The following WDR7 variants were observed in gnomAD, a reference collection of about 807,000 sequenced individuals.
WDR7 encodes WD repeat domain 7, also known as WD repeat-containing protein 7.
In WDR7, 46 loss-of-function variants were observed where a neutral mutation model predicts 169.4. The observed-to-expected ratio is 0.27, with a 90% CI of 0.21 to 0.35. The LOEUF (loss-of-function observed/expected upper bound fraction) is 0.35. WDR7 is among the 10% of genes least tolerant of loss of function. WDR7 has a pLI of 1.00. For missense variants in WDR7, 1,534 were observed against 1,859.3 expected, an observed-to-expected ratio of 0.83 and a Z score of 3.22; for synonymous variants, 612 against 666.8, an observed-to-expected ratio of 0.92 and a Z score of 1.27.
chr18:56,690,754 G>T (rs2025548494), intron 7 of WDR7, among the ~76,000 whole-genome samples: 1 of 152,048 alleles, frequency 6.6e-6, no homozygotes, highest in Non-Finnish European at 1.5e-5. Flanking sequence ...GTTTGAGGTT[G>T]CAGTGAGCTC....
chr18:56,739,533 C>A (rs1199302389), intron 14 of WDR7, among the ~76,000 whole-genome samples: 1 of 151,948 alleles, frequency 6.6e-6, no homozygotes, highest in East Asian at 1.9e-4. Context: ...AAACTCTGTT[C>A]TTTTTGTACT....
chr18:56,657,957 C>A (rs1446806566), intron 1 of WDR7, among the ~76,000 whole-genome samples: 1 of 149,476 alleles, frequency 6.7e-6, no homozygotes, highest in African/African-American at 2.5e-5. Context: ...CTGTTGATTA[C>A]TTGAGTTAGT....
At chr18:56,974,362 CTTTTTTT>C (rs34901751) in intron 26 of WDR7, among the ~76,000 whole-genome samples, 1 of 111,816 alleles carries the variant, frequency 8.9e-6, no homozygotes, top group South Asian at 2.7e-4. Flanking sequence ...GCTTTTCTTG[CTTTTTTT>C]TTTTTTTTTT....
At chr18:56,982,552 G>A (rs2145834004) in intron 26 of WDR7, among the ~76,000 whole-genome samples, 1 of 152,222 alleles carries the variant, frequency 6.6e-6, no homozygotes, top group Middle Eastern at 3.4e-3. Context: ...TGAAAGAAGA[G>A]CTTCTTTTCT....
At chr18:56,770,179 T>A (rs2044131276) in intron 16 of WDR7, among the ~76,000 whole-genome samples, 1 of 152,246 alleles carries the variant, frequency 6.6e-6, no homozygotes, top group South Asian at 2.1e-4. Context: ...GTGCTTATTA[T>A]GTCTATTGGA....
intron 14 of WDR7, among the ~76,000 whole-genome samples, chr18:56,742,787 C>T (rs2043640238): frequency 6.6e-6 from 1 of 152,008 alleles, no homozygotes; most frequent in Non-Finnish European, 1.5e-5. Context: ...AGATGGGTTG[C>T]AGTGTGTTCT....
chr18:56,884,241 T>C (rs1309086195), intron 21 of WDR7, among the ~76,000 whole-genome samples: 1 of 152,256 alleles, frequency 6.6e-6, no homozygotes, highest in Non-Finnish European at 1.5e-5. Flanking sequence ...TTGATTTGCC[T>C]TTCCCTGATA....
chr18:57,001,460 A>G (rs1455833793), intron 26 of WDR7, among the ~76,000 whole-genome samples: 1 of 152,130 alleles, frequency 6.6e-6, no homozygotes, highest in Non-Finnish European at 1.5e-5. Flanking sequence ...TTCATTTCTC[A>G]GTGGATCCAG....
At chr18:56,984,531 A>G (rs747899833) in intron 26 of WDR7, among the ~76,000 whole-genome samples, 27 of 152,248 alleles carry the variant, frequency 1.8e-4, no homozygotes, top group South Asian at 4.1e-4. Context: ...CAAAGTTAAC[A>G]AAGTAAAATC....
chr18:56,978,576 T>C (rs1289799807), intron 26 of WDR7, among the ~76,000 whole-genome samples: 2 of 152,218 alleles, frequency 1.3e-5, no homozygotes, highest in Non-Finnish European at 2.9e-5. Flanking sequence ...AATCATTAAT[T>C]GTAATACAAA....
chr18:56,759,017 G>C (rs900925643), intron 16 of WDR7, 64 bp downstream of exon 16: 1 of 1,313,658 alleles, frequency 7.6e-7, no homozygotes. Flanking sequence ...AGGAGGCATA[G>C]CTAATGTATA....
At chr18:56,800,367 C>T (rs2044651783) in intron 19 of WDR7, among the ~76,000 whole-genome samples, 1 of 152,110 alleles carries the variant, frequency 6.6e-6, no homozygotes, top group Non-Finnish European at 1.5e-5. Context: ...CCAGTTTGAT[C>T]CCACTTTGTC....
chr18:56,857,590 TACATATATAC>T (rs149639982), intron 20 of WDR7, among the ~76,000 whole-genome samples: 26 of 152,264 alleles, frequency 1.7e-4, no homozygotes, highest in African/African-American at 6.3e-4. Flanking sequence ...CGCCTATGCA[TACATATATAC>T]ACATATATAT....
chr18:56,846,320 G>A (rs752362776), intron 20 of WDR7, among the ~76,000 whole-genome samples: 5 of 152,026 alleles, frequency 3.3e-5, no homozygotes, highest in Non-Finnish European at 5.9e-5. Flanking sequence ...GTATCTCCCA[G>A]AATTCCCACA....
At chr18:56,700,813 C>T (rs1467610224) in intron 12 of WDR7, among the ~76,000 whole-genome samples, 1 of 152,002 alleles carries the variant, frequency 6.6e-6, no homozygotes, top group South Asian at 2.1e-4. Flanking sequence ...TCGTGATCCG[C>T]CCGCCTCGGC....
intron 20 of WDR7, 106 bp from the exon 21 acceptor site, chr18:56,879,838 G>T: frequency 1.2e-6 from 1 of 866,888 alleles, no homozygotes; most frequent in South Asian, 1.7e-5. Context: ...GCCATTTGCT[G>T]AAAATGCTAT....
chr18:56,746,368 G>A (rs971666014), intron 14 of WDR7, among the ~76,000 whole-genome samples: 2 of 152,166 alleles, frequency 1.3e-5, no homozygotes, highest in African/African-American at 4.8e-5. Flanking sequence ...CAAATAGATG[G>A]GTAGAAAGGA....
intron 21 of WDR7, among the ~76,000 whole-genome samples, chr18:56,882,152 A>G (rs531882742): frequency 2.7e-4 from 41 of 152,298 alleles, no homozygotes; most frequent in African/African-American, 9.4e-4. Context: ...GATCCCTGCT[A>G]TCCATTCCTA....
At position 57,027,362 on chromosome 18, in the gene WDR7, C is replaced by T; in HGVS notation, c.*155C>T. On this transcript the variant is annotated 3_prime_UTR_variant, in exon 28 of 28. Transcript: ENST00000254442. ...GGTCTTGTCACTTGTGCATGCTTCT[C>T]AGGGGCAGAACCCGCTCGTGCCATC... 1 of 916,494 alleles carries T rather than the reference C, an allele frequency of 1.1e-6. No individual in the cohort carries two copies. The highest frequency in any genetic ancestry group is 2.7e-5 in the East Asian group (1 of 37,694). 56.8% of individuals were successfully genotyped at this position (916,494 alleles called of 1,614,324 possible).
Sources: allele counts gnomAD v4.1 joint callset (sites outside exome capture counted in the v4.1 genomes callset), GRCh38; gene constraint gnomAD v4.1.1; transcripts MANE v1.5; gene names NCBI Gene and HGNC (gene_info 2026-07-23, HGNC 2026-07-21).